The following TAFA4 variants were observed in gnomAD, a reference collection of about 807,000 sequenced individuals.
The protein encoded by TAFA4 is chemokine-like protein TAFA-4.
Under a neutral mutation model 21.1 loss-of-function variants are expected in TAFA4, and 20 were observed. The observed-to-expected ratio is 0.95, with a 90% CI of 0.67 to 1.38. The LOEUF is 1.38. TAFA4 is among the 40% of genes most tolerant of loss of function. TAFA4 has a pLI of 0.00. For missense variants in TAFA4, 211 were observed against 180.9 expected, an observed-to-expected ratio of 1.17 and a Z score of -0.95; for synonymous variants, 71 against 67.4, an observed-to-expected ratio of 1.05 and a Z score of -0.26.
At chr3:68,890,499 A>G (rs2089719328) in intron 1 of TAFA4, among the ~76,000 whole-genome samples, 2 of 152,186 alleles carry the variant, frequency 1.3e-5, no homozygotes, top group Non-Finnish European at 2.9e-5. Context: ...GAGAAGGTTT[A>G]TTTGTTTTTA....
At chr3:68,806,842 T>A (rs962198810) in intron 3 of TAFA4, among the ~76,000 whole-genome samples, 1 of 152,148 alleles carries the variant, frequency 6.6e-6, no homozygotes, top group East Asian at 1.9e-4. Context: ...TAGAACCTAA[T>A]CTTGGCTTCC....
chr3:68,812,563 A>C (rs1253659642), intron 3 of TAFA4, among the ~76,000 whole-genome samples: 4 of 152,144 alleles, frequency 2.6e-5, no homozygotes, highest in Non-Finnish European at 4.4e-5. Context: ...CAACAAAAAT[A>C]AGAAGAGACA....
At chr3:68,847,002 C>A (rs1003386630) in intron 3 of TAFA4, among the ~76,000 whole-genome samples, 3 of 152,120 alleles carry the variant, frequency 2.0e-5, no homozygotes, top group African/African-American at 7.2e-5. Context: ...GGTCAGGGAC[C>A]CAGTTGAGGA....
intron 3 of TAFA4, among the ~76,000 whole-genome samples, chr3:68,798,325 T>G (rs188331384): frequency 6.6e-6 from 1 of 152,296 alleles, no homozygotes; most frequent in East Asian, 1.9e-4. Flanking sequence ...AAAATATAAG[T>G]GTCTTGTAAT....
intron 3 of TAFA4, among the ~76,000 whole-genome samples, chr3:68,822,754 G>C (rs1023644117): frequency 2.0e-5 from 3 of 152,172 alleles, no homozygotes; most frequent in Non-Finnish European, 4.4e-5. Context: ...TTGTAGGCAT[G>C]AGCCACTGCG....
At chr3:68,820,233 G>A (rs2106861007) in intron 3 of TAFA4, among the ~76,000 whole-genome samples, 1 of 152,316 alleles carries the variant, frequency 6.6e-6, no homozygotes, top group Admixed American at 6.5e-5. Flanking sequence ...ATCTAAAAAT[G>A]TTGAACTCAT....
At chr3:68,851,641 A>T (rs1361171050) in intron 3 of TAFA4, among the ~76,000 whole-genome samples, 1 of 152,190 alleles carries the variant, frequency 6.6e-6, no homozygotes, top group Non-Finnish European at 1.5e-5. Context: ...TACCATCTCA[A>T]ATCTATCAAT....
At chr3:68,855,079 T>G (rs1471807833) in intron 3 of TAFA4, among the ~76,000 whole-genome samples, 1 of 152,158 alleles carries the variant, frequency 6.6e-6, no homozygotes, top group Non-Finnish European at 1.5e-5. Context: ...AATGACTGTA[T>G]GAAAGCTAAG....
chr3:68,861,616 G>A (rs1452386575), intron 3 of TAFA4, among the ~76,000 whole-genome samples: 3 of 151,970 alleles, frequency 2.0e-5, no homozygotes, highest in Non-Finnish European at 2.9e-5. Flanking sequence ...CTGTGCCAGA[G>A]GACACAGAGA....
chr3:68,923,478 T>C (rs1248127822), intron 1 of TAFA4, among the ~76,000 whole-genome samples: 1 of 152,058 alleles, frequency 6.6e-6, no homozygotes, highest in Non-Finnish European at 1.5e-5. Context: ...CCTCATATTG[T>C]CTCAACCCAC....
chr3:68,898,554 G>A (rs549718372), intron 1 of TAFA4, among the ~76,000 whole-genome samples: 73 of 152,322 alleles, frequency 4.8e-4, no homozygotes, highest in Middle Eastern at 3.4e-3. Context: ...GCCAAGGCAG[G>A]AGAATGGCTT....
chr3:68,910,632 CA>C (rs1273202588), intron 1 of TAFA4, among the ~76,000 whole-genome samples: 1 of 152,202 alleles, frequency 6.6e-6, no homozygotes, highest in African/African-American at 2.4e-5. Context: ...ATTTATTCAA[CA>C]AATTTGAATG....
intron 3 of TAFA4, among the ~76,000 whole-genome samples, chr3:68,810,869 G>A (rs1225427944): frequency 1.3e-5 from 2 of 152,230 alleles, no homozygotes; most frequent in African/African-American, 4.8e-5. Flanking sequence ...CGGACAGACT[G>A]CAACCTCAAG....
At chr3:68,912,802 A>G (rs998475290) in intron 1 of TAFA4, among the ~76,000 whole-genome samples, 2 of 152,130 alleles carry the variant, frequency 1.3e-5, no homozygotes, top group African/African-American at 4.8e-5. Context: ...GCTTCAGAAA[A>G]CCACTGGAGA....
intron 3 of TAFA4, among the ~76,000 whole-genome samples, chr3:68,831,001 G>C (rs1288883733): frequency 1.3e-5 from 2 of 152,136 alleles, no homozygotes; most frequent in African/African-American, 4.8e-5. Flanking sequence ...TCAGAGACCA[G>C]GATTGCAACC....
intron 3 of TAFA4, among the ~76,000 whole-genome samples, chr3:68,830,914 G>T (rs538632421): frequency 2.2e-4 from 33 of 152,318 alleles, no homozygotes; most frequent in Middle Eastern, 6.8e-3. Flanking sequence ...AGCTCTTCTT[G>T]TTGAATAGAT....
In TAFA4 at chr3:68,752,492, C is replaced by T. The variant is rs141156023; in HGVS notation, c.286+371G>A. On this transcript the variant is annotated intron_variant, in intron 4 of 5. Transcript: ENST00000295569. ...AAAGACAGGATACTAACATATAACA[C>T]CAAGCATGAAGTGAGAAAGTCATGC... Among the ~76,000 whole-genome samples the T allele has an allele frequency of 1.2e-3, 190 of 152,176 alleles. 2 individuals carry two copies. Among genetic ancestry groups the T allele is most frequent in the African/African-American group, 4.5e-3 (188 of 41,492 alleles).
At chr3:68,781,926 CA>C (rs1358725063) in intron 3 of TAFA4, among the ~76,000 whole-genome samples, 8 of 152,174 alleles carry the variant, frequency 5.3e-5, no homozygotes, top group Non-Finnish European at 1.2e-4. Flanking sequence ...GGTCAATCTT[CA>C]TGACTTTCGA....
intron 3 of TAFA4, among the ~76,000 whole-genome samples, chr3:68,786,270 T>A (rs1040994480): frequency 1.3e-5 from 2 of 152,086 alleles, no homozygotes; most frequent in Non-Finnish European, 2.9e-5. Context: ...AATTAAATTT[T>A]AAAAAAAGAA....
Sources: gnomAD v4.1 joint callset for allele counts (sites outside exome capture counted in the v4.1 genomes callset) on GRCh38, gnomAD v4.1.1 for gene constraint, MANE v1.5 for transcripts, NCBI Gene and HGNC (gene_info 2026-07-23, HGNC 2026-07-21) for gene names.